DYRK1A: variants seen among roughly 807,000 people sequenced by gnomAD.
DYRK1A encodes dual specificity tyrosine phosphorylation regulated kinase 1A.
In DYRK1A, 9 loss-of-function variants were observed where a neutral mutation model predicts 79.7. The ratio of observed to expected loss-of-function variants is 0.11; its 90% CI spans 0.07 to 0.20. The LOEUF is 0.20. DYRK1A is among the 10% of genes least tolerant of loss of function. The pLI, the probability that DYRK1A is intolerant of heterozygous loss-of-function variation, is 1.00. For synonymous variants in DYRK1A, 349 were observed against 329.7 expected, an observed-to-expected ratio of 1.06 and a Z score of -0.63; for missense variants, 622 against 956.0, an observed-to-expected ratio of 0.65 and a Z score of 4.61.
chr21:37,407,834 A>G (rs2050175577), intron 1 of DYRK1A, among the ~76,000 whole-genome samples: 2 of 152,222 alleles, frequency 1.3e-5, no homozygotes, highest in Middle Eastern at 3.2e-3. Flanking sequence ...AGAGAATGGC[A>G]GCTGATCAGA....
At chr21:37,454,346 G>A (rs1455736206) in intron 2 of DYRK1A, among the ~76,000 whole-genome samples, 2 of 151,810 alleles carry the variant, frequency 1.3e-5, no homozygotes, top group African/African-American at 2.4e-5. Context: ...CTTCTGCCTC[G>A]GCCTCCCAAA....
chr21:37,423,828 G>C (rs1481339855), intron 2 of DYRK1A, among the ~76,000 whole-genome samples: 1 of 151,936 alleles, frequency 6.6e-6, no homozygotes, highest in Non-Finnish European at 1.5e-5. Flanking sequence ...GTGCTGATTT[G>C]TTCATATTGT....
chr21:37,518,288 G>A lies in DYRK1A; in HGVS notation c.*5757G>A, dbSNP rs2053901097. ...TGAAGAGGTGATGCCACGAGGTGGG[G>A]AGGAGCTCACTTCAGGCACCACTCC... On this transcript the variant is annotated 3_prime_UTR_variant, in exon 12 of 12. Coordinates refer to ENST00000647188, the MANE Select transcript of DYRK1A (RefSeq NM_001347721.2). The A allele has an allele frequency of 6.6e-6, 1 of 152,260 alleles. No individual in the cohort carries two copies. Among genetic ancestry groups the A allele is most frequent in the South Asian group, 2.1e-4 (1 of 4,828 alleles). 9.4% of individuals were successfully genotyped at this position (152,260 alleles called of 1,614,324 possible).
chr21:37,492,917 T>G, intron 7 of DYRK1A, 100 bp from the exon 8 acceptor site: 5 of 971,922 alleles, frequency 5.1e-6, no homozygotes, highest in Non-Finnish European at 7.5e-6. Flanking sequence ...ATTCAGGAAT[T>G]AGCCAATTCT....
At chr21:37,486,991 G>A (rs1317683615) in intron 6 of DYRK1A, 1 of 155,024 alleles carries the variant, frequency 6.5e-6, no homozygotes, top group Non-Finnish European at 1.4e-5. Flanking sequence ...TGTTCTTAGT[G>A]GTTGTGGAAC....
At chr21:37,398,529 A>G (rs2049999469) in intron 1 of DYRK1A, among the ~76,000 whole-genome samples, 1 of 152,224 alleles carries the variant, frequency 6.6e-6, no homozygotes, top group Non-Finnish European at 1.5e-5. Context: ...AGAAAAAGTT[A>G]TCTGTCCTGT....
chr21:37,395,973 A>G (rs978418514), intron 1 of DYRK1A, among the ~76,000 whole-genome samples: 1 of 152,240 alleles, frequency 6.6e-6, no homozygotes, highest in Non-Finnish European at 1.5e-5. Context: ...TATATGCCAC[A>G]CAAAACATAG....
At chr21:37,400,726 T>C (rs1436193496) in intron 1 of DYRK1A, among the ~76,000 whole-genome samples, 1 of 152,230 alleles carries the variant, frequency 6.6e-6, no homozygotes, top group Admixed American at 6.5e-5. Flanking sequence ...AGGGAAATGA[T>C]ATGAATGATT....
chr21:37,459,463 C>T (rs534878835), intron 2 of DYRK1A, among the ~76,000 whole-genome samples: 1 of 152,102 alleles, frequency 6.6e-6, no homozygotes, highest in East Asian at 1.9e-4. Context: ...ACCTGGATGC[C>T]CGATGGAGTA....
intron 1 of DYRK1A, among the ~76,000 whole-genome samples, chr21:37,394,087 G>C (rs1303956667): frequency 6.6e-6 from 1 of 152,138 alleles, no homozygotes; most frequent in Admixed American, 6.5e-5. Context: ...GGCCACCAAG[G>C]AACACTACCA....
At position 37,450,575 on chromosome 21, in the gene DYRK1A, A is replaced by G. The variant is rs542987955; in HGVS notation, c.11-22109A>G. ...AATTATCACACCCTTGCCTTCCTATATTTGGGTGAGTCAGCAGAGAAGTCA... is the reference window on the plus strand; with the variant it reads ...AATTATCACACCCTTGCCTTCCTATGTTTGGGTGAGTCAGCAGAGAAGTCA... On this transcript the variant is annotated intron_variant, in intron 2 of 11. Transcript: ENST00000647188. 7.9e-5 allele frequency among the ~76,000 whole-genome samples: 12 copies of G among 152,240 alleles called. 1 individual carries two copies. The highest frequency in any genetic ancestry group is 6.8e-3 in the Middle Eastern group (2 of 294).
At chr21:37,506,485 A>G in intron 11 of DYRK1A, 1 of 1,055,390 alleles carries the variant, frequency 9.5e-7, no homozygotes, top group Non-Finnish European at 1.3e-6. Context: ...CTCATTTACC[A>G]AAGCAGCGTT....
intron 1 of DYRK1A, among the ~76,000 whole-genome samples, chr21:37,415,743 A>G (rs376427615): frequency 2.8e-4 from 43 of 152,298 alleles, no homozygotes; most frequent in African/African-American, 8.9e-4. Context: ...CTGGGATTAC[A>G]GGCATGAGCT....
chr21:37,383,031 C>T (rs559048926), intron 1 of DYRK1A, among the ~76,000 whole-genome samples: 4 of 152,116 alleles, frequency 2.6e-5, no homozygotes, highest in East Asian at 1.9e-4. Flanking sequence ...AGAGGGAGAG[C>T]GATCTCCACC....
chr21:37,375,470 A>G (rs2049518250), intron 1 of DYRK1A, among the ~76,000 whole-genome samples: 1 of 149,628 alleles, frequency 6.7e-6, no homozygotes, highest in African/African-American at 2.5e-5. Flanking sequence ...AAAATCTGGA[A>G]TTCTCTAGTT....
chr21:37,384,760 T>C (rs2049727405), intron 1 of DYRK1A, among the ~76,000 whole-genome samples: 1 of 152,200 alleles, frequency 6.6e-6, no homozygotes, highest in South Asian at 2.1e-4. Context: ...GTATTTCATA[T>C]GTTCTGAAAG....
chr21:37,463,394 G>A (rs978506985), intron 2 of DYRK1A, among the ~76,000 whole-genome samples: 2 of 152,154 alleles, frequency 1.3e-5, no homozygotes, highest in African/African-American at 4.8e-5. Context: ...AACACCTTCT[G>A]TGGAGCCAGG....
chr21:37,367,383 C>T lies in DYRK1A; in HGVS notation c.-322C>T, dbSNP rs1309406152. 5.4e-5 allele frequency: 8 copies of T among 148,782 alleles called. No individual in the cohort carries two copies. The highest frequency in any genetic ancestry group is 9.0e-5 in the Non-Finnish European group (6 of 66,776). 9.2% of individuals were successfully genotyped at this position (148,782 alleles called of 1,614,324 possible). On this transcript the variant is annotated 5_prime_UTR_variant, in exon 1 of 12. Transcript: ENST00000647188. ...GCCGTGCGGCCCCGCCGCCTGGAAT[C>T]GGGGCCCGGGGACTGCGGTATTTGC...
In DYRK1A at chr21:37,479,606, G is replaced by GTTTTTTTTTTTTTTTTTTTT. The variant is rs1183029117; in HGVS notation, c.301-1027_301-1026insTTTTTTTTTTTTTTTTTTTT. 2.5e-3 allele frequency among the ~76,000 whole-genome samples: 68 copies of GTTTTTTTTTTTTTTTTTTTT among 27,590 alleles called. 2 individuals are homozygous for GTTTTTTTTTTTTTTTTTTTT. The highest frequency in any genetic ancestry group is 6.8e-3 in the East Asian group (6 of 880). The allele number at this position is 27,590 out of a possible 152,430, so 18.1% of individuals were successfully genotyped here. A position where few individuals can be genotyped will look rare whatever the true frequency, so the allele number is the denominator to read the frequency against. On this transcript the variant is annotated intron_variant, in intron 4 of 11. Transcript: ENST00000647188. ...GTGTTGGTGTTTTGTTTTTGTTTTT[G>GTTTTTTTTTTTTTTTTTTTT]TTTTTGTTTTTTGTTTTTTTTTTTT...
Sources: gnomAD v4.1 joint callset for allele counts (sites outside exome capture counted in the v4.1 genomes callset) on GRCh38, gnomAD v4.1.1 for gene constraint, MANE v1.5 for transcripts, NCBI Gene and HGNC (gene_info 2026-07-23, HGNC 2026-07-21) for gene names.